Variants in TTC39B observed in about 807,000 individuals in gnomAD.
The protein encoded by TTC39B is tetratricopeptide repeat domain 39B.
A neutral mutation model predicts 96.6 loss-of-function variants in TTC39B; 92 were observed. That is an observed-to-expected ratio of 0.95 (90% CI 0.80 to 1.13). The LOEUF is 1.13. TTC39B is among the 50% of genes most tolerant of loss of function. The pLI, the probability that TTC39B is intolerant of heterozygous loss-of-function variation, is 0.00. For synonymous variants in TTC39B, 367 were observed against 299.4 expected (o/e 1.23, Z -2.33); for missense variants, 955 against 809.3 (o/e 1.18, Z -2.18).
chr9:15,203,932 TC>T, intron 6 of TTC39B, 42 bp from the exon 7 acceptor site: 1 of 1,532,716 alleles, frequency 6.5e-7, no homozygotes, highest in Non-Finnish European at 8.9e-7. Context: ...AAATCACACA[TC>T]CAAAGTGATT....
chr9:15,249,995 T>C (rs547377540), intron 2 of TTC39B: 88 of 1,255,294 alleles, frequency 7.0e-5, no homozygotes, highest in Admixed American at 3.9e-4. Context: ...TTCTACCAGA[T>C]TTTTTTTTAA....
intron 1 of TTC39B, among the ~76,000 whole-genome samples, chr9:15,297,842 A>G (rs1824437403): frequency 6.6e-6 from 1 of 152,150 alleles, no homozygotes; most frequent in African/African-American, 2.4e-5. Flanking sequence ...CTGACATGAA[A>G]GTCTCTGAAC....
chr9:15,221,269 T>A (rs926798529), intron 3 of TTC39B, among the ~76,000 whole-genome samples: 1 of 152,196 alleles, frequency 6.6e-6, no homozygotes, highest in African/African-American at 2.4e-5. Context: ...TTAGTCAGAA[T>A]GAGTAGGGAA....
intron 9 of TTC39B, among the ~76,000 whole-genome samples, chr9:15,191,459 G>GT (rs556448871): frequency 1.4e-4 from 21 of 152,126 alleles, no homozygotes; most frequent in African/African-American, 4.3e-4. Flanking sequence ...CCTTTAAAAA[G>GT]TTTTTTTTAA....
intron 15 of TTC39B, chr9:15,186,737 C>G: frequency 2.3e-6 from 1 of 444,196 alleles, no homozygotes; most frequent in Non-Finnish European, 4.0e-6. Flanking sequence ...GTCTGTCACC[C>G]AGGCTGCAGT....
At chr9:15,278,888 A>G (rs1823647960) in intron 1 of TTC39B, among the ~76,000 whole-genome samples, 1 of 152,234 alleles carries the variant, frequency 6.6e-6, no homozygotes, top group Admixed American at 6.5e-5. Context: ...AGTGCCAAAC[A>G]TTGCTCAGAA....
chr9:15,207,156 C>G (rs1819911800), intron 6 of TTC39B, among the ~76,000 whole-genome samples: 1 of 152,140 alleles, frequency 6.6e-6, no homozygotes, highest in Non-Finnish European at 1.5e-5. Flanking sequence ...AAACCTCTTT[C>G]CTTTATAAAT....
rs114897978 is a variant in TTC39B at position 15,267,211 on chromosome 9, C to T, written c.275+703G>A. On this transcript the variant is annotated intron_variant, in intron 2 of 19. Coordinates refer to ENST00000512701, the Ensembl canonical transcript of TTC39B. Reference sequence around the variant, plus strand: ...ACCATGCTGGCACCCTTAACTCAGACTTCTAGCCTCCAAAATTGTGAGAAA... The same window carrying T: ...ACCATGCTGGCACCCTTAACTCAGATTTCTAGCCTCCAAAATTGTGAGAAA... Among the ~76,000 whole-genome samples the T allele has an allele frequency of 5.6e-3, 850 of 152,338 alleles. 7 individuals carry two copies. The highest frequency in any genetic ancestry group is 0.02 in the African/African-American group (827 of 41,572).
rs777679454 is a variant in TTC39B, at chr9:15,190,449, G to A, written c.1105+105C>T. On this transcript the variant is annotated intron_variant, in intron 11 of 19. Transcript: ENST00000512701. ...CAGCCTCAAACTCCTGGGTTCAACT[G>A]ATCCTCCCACCTCAGCCTCCCAAGT... 9.0e-4 allele frequency: 866 copies of A among 963,604 alleles called. 2 individuals carry two copies. The highest frequency in any genetic ancestry group is 7.6e-3 in the Middle Eastern group (29 of 3,818). 59.7% of individuals were successfully genotyped at this position (963,604 alleles called of 1,614,324 possible). A position where few individuals can be genotyped will look rare whatever the true frequency, so the allele number is the denominator to read the frequency against.
At chr9:15,287,426 A>C (rs1167092722) in intron 1 of TTC39B, among the ~76,000 whole-genome samples, 1 of 152,254 alleles carries the variant, frequency 6.6e-6, no homozygotes, top group Non-Finnish European at 1.5e-5. Flanking sequence ...GATTGTCTCC[A>C]ATTGCCACAG....
intron 1 of TTC39B, among the ~76,000 whole-genome samples, chr9:15,277,906 C>T (rs1178524700): frequency 6.6e-6 from 1 of 152,096 alleles, no homozygotes; most frequent in African/African-American, 2.4e-5. Context: ...AAATGCCAAG[C>T]GAAGCAGTTC....
intron 2 of TTC39B, among the ~76,000 whole-genome samples, chr9:15,234,256 G>C (rs1305317501): frequency 6.6e-6 from 1 of 151,470 alleles, no homozygotes; most frequent in African/African-American, 2.4e-5. Context: ...CGTCCGGGAG[G>C]GAGGTGGGGG....
At chr9:15,251,888 G>T (rs185083536) in intron 2 of TTC39B, among the ~76,000 whole-genome samples, 135 of 151,856 alleles carry the variant, frequency 8.9e-4, no homozygotes, top group Non-Finnish European at 1.4e-3. Context: ...AAGAGCATAT[G>T]CAATGACAGT....
exon 20 of TTC39B, chr9:15,166,983 TATATATATA>T (rs1282572602): frequency 0.04 from 174 of 4,354 alleles, 4 homozygotes; most frequent in Middle Eastern, 0.12. Flanking sequence ...ACCTTTATTT[TATATATATA>T]TATATATATA....
rs561644174 is a variant in TTC39B, at chr9:15,250,064, A to G, written c.275+17850T>C. The G allele has an allele frequency of 9.3e-4, 1,198 of 1,283,422 alleles. 8 individuals carry two copies. Among genetic ancestry groups the G allele is most frequent in the Middle Eastern group, 6.6e-3 (31 of 4,668 alleles). The allele number at this position is 1,283,422 out of a possible 1,614,324, so 79.5% of individuals were successfully genotyped here. A position where few individuals can be genotyped will look rare whatever the true frequency, so the allele number is the denominator to read the frequency against. ...GAGCCAACAAAAATCCTCAATTTCT[A>G]TTTTATTCCTTGGTCTCCAGTGAGA... On this transcript the variant is annotated intron_variant, in intron 2 of 19. Coordinates refer to ENST00000512701, the Ensembl canonical transcript of TTC39B.
chr9:15,190,402 G>A, intron 11 of TTC39B, 152 bp downstream of exon 11: 2 of 593,146 alleles, frequency 3.4e-6, no homozygotes, highest in South Asian at 2.5e-5. Context: ...ATCCAGTGCA[G>A]TGACGTGATC....
chr9:15,281,032 T>TC (rs1407403314), intron 1 of TTC39B, among the ~76,000 whole-genome samples: 5 of 152,178 alleles, frequency 3.3e-5, no homozygotes, highest in African/African-American at 1.2e-4. Flanking sequence ...TTTTGTCTTT[T>TC]TTTTTGTTTA....
rs138757617 is a variant in TTC39B at position 15,266,940 on chromosome 9, C to T, written c.275+974G>A. Among the ~76,000 whole-genome samples, 728 of 152,162 alleles carry T rather than the reference C, an allele frequency of 4.8e-3. 7 individuals carry two copies. The highest frequency in any genetic ancestry group is 0.017 in the African/African-American group (710 of 41,524). On this transcript the variant is annotated intron_variant, in intron 2 of 19. Transcript: ENST00000512701. ...TAAAAATACAAAAAAAATAGCCTGGCGTGGTGGCGGGAGCTGTAATCCCAG... is the reference window on the plus strand; with the variant it reads ...TAAAAATACAAAAAAAATAGCCTGGTGTGGTGGCGGGAGCTGTAATCCCAG...
At chr9:15,285,596 T>C (rs1823939453) in intron 1 of TTC39B, among the ~76,000 whole-genome samples, 1 of 152,236 alleles carries the variant, frequency 6.6e-6, no homozygotes, top group Non-Finnish European at 1.5e-5. Flanking sequence ...GGCTCACGCC[T>C]GTAATCCCTG....
Sources: allele counts gnomAD v4.1 joint callset (sites outside exome capture counted in the v4.1 genomes callset), GRCh38; gene constraint gnomAD v4.1.1; transcripts MANE v1.5; gene names NCBI Gene and HGNC (gene_info 2026-07-23, HGNC 2026-07-21).